GNPDA2: variants seen among roughly 807,000 people sequenced by gnomAD.
GNPDA2 encodes the protein glcN6P deaminase 2.
GNPDA2 carries 24 observed loss-of-function variants against 27.0 expected under a neutral mutation model. The ratio of observed to expected loss-of-function variants is 0.89; its 90% CI spans 0.64 to 1.25. The LOEUF (loss-of-function observed/expected upper bound fraction) is 1.25, where lower values mean the gene tolerates loss of function less well. Ranked by LOEUF, GNPDA2 falls within the 50% of genes most tolerant of loss-of-function variation. The pLI is 0.00. For synonymous variants in GNPDA2, 94 were observed against 108.4 expected, an observed-to-expected ratio of 0.87 and a Z score of 0.83; for missense variants, 286 against 335.1, an observed-to-expected ratio of 0.85 and a Z score of 1.14.
Position 44,711,112 on chromosome 4 carries a change from A to T in GNPDA2, c.435T>A (p.Ala145=). 1.2e-6 allele frequency: 2 copies of T among 1,607,114 alleles called. No individual in the cohort carries two copies. The highest frequency in any genetic ancestry group is 1.1e-5 in the South Asian group (1 of 89,844). ...CTAAACTGGATCCAGGCTCATTGAA[A>T]GCGATATGACCATCTGGACCAATTC... ...VGGIGPDGHI[A]FNEPGSSLVS... is the part of the protein sequence containing the mutation. Residue 145 remains alanine, a synonymous_variant, in exon 5 of 7, where the codon GCT becomes GCA. Transcript: ENST00000295448.
intron 3 of GNPDA2, among the ~76,000 whole-genome samples, chr4:44,717,754 T>C (rs1717399155): frequency 6.6e-6 from 1 of 151,926 alleles, no homozygotes; most frequent in South Asian, 2.1e-4. Context: ...GTGCAGATTA[T>C]GTGGGATCAC....
chr4:44,714,967 A>T (rs879928342), intron 4 of GNPDA2, among the ~76,000 whole-genome samples: 1 of 152,156 alleles, frequency 6.6e-6, no homozygotes, highest in Non-Finnish European at 1.5e-5. Flanking sequence ...GCGGGGAAAC[A>T]ACTACAGGAA....
At chr4:44,704,166 C>T (rs566297538) in intron 6 of GNPDA2, 242 of 985,034 alleles carry the variant, frequency 2.5e-4, no homozygotes, top group Admixed American at 5.6e-4. Flanking sequence ...AAATTCTAAC[C>T]ATAAGAATGG....
chr4:44,718,577 T>C (rs973801217), intron 2 of GNPDA2, among the ~76,000 whole-genome samples, 167 bp from the exon 3 acceptor site: 5 of 151,892 alleles, frequency 3.3e-5, no homozygotes, highest in Admixed American at 6.6e-5. Context: ...CTTTGAAATT[T>C]TGGTAAACCA....
intron 1 of GNPDA2, among the ~76,000 whole-genome samples, chr4:44,722,948 C>T (rs1422978342): frequency 6.6e-6 from 1 of 152,098 alleles, no homozygotes; most frequent in Non-Finnish European, 1.5e-5. Context: ...ACAATAGGAT[C>T]ACACTAGACA....
At chr4:44,715,353 T>A (rs1473642364) in intron 4 of GNPDA2, among the ~76,000 whole-genome samples, 2 of 152,156 alleles carry the variant, frequency 1.3e-5, no homozygotes, top group African/African-American at 4.8e-5. Context: ...TGCATACTTA[T>A]GTAAGGTCAA....
At chr4:44,703,718 A>C in intron 6 of GNPDA2, 1 of 983,804 alleles carries the variant, frequency 1.0e-6, no homozygotes, top group Non-Finnish European at 1.2e-6. Context: ...AGAAATTACG[A>C]TTTTAAATCC....
At chr4:44,706,260 G>T (rs960667124) in intron 6 of GNPDA2, 77 of 151,464 alleles carry the variant, frequency 5.1e-4, no homozygotes, top group African/African-American at 1.7e-3. Context: ...TTTGTGGCTT[G>T]GTAAATTAGT....
chr4:44,705,042 A>T (rs1314280683), intron 6 of GNPDA2: 2 of 981,744 alleles, frequency 2.0e-6, no homozygotes, highest in East Asian at 2.3e-4. Flanking sequence ...ATAAACTTGC[A>T]TTTACTGACA....
intron 6 of GNPDA2, 158 bp downstream of exon 6, chr4:44,707,594 T>C (rs993678629): frequency 5.1e-5 from 27 of 527,572 alleles, no homozygotes; most frequent in Non-Finnish European, 7.3e-5. Context: ...GAAGATACTA[T>C]TATCTGAGGT....
chr4:44,703,997 G>A (rs894563647), intron 6 of GNPDA2: 19 of 985,202 alleles, frequency 1.9e-5, no homozygotes, highest in Non-Finnish European at 2.3e-5. Context: ...CGGTTTTGCA[G>A]GAAATGGGAT....
At chr4:44,710,528 AG>A (rs1716907684) in intron 5 of GNPDA2, among the ~76,000 whole-genome samples, 1 of 152,212 alleles carries the variant, frequency 6.6e-6, no homozygotes, top group African/African-American at 2.4e-5. Flanking sequence ...GGAAACCAAC[AG>A]GGCTCTATCA....
chr4:44,714,557 G>A, intron 4 of GNPDA2: 1 of 985,210 alleles, frequency 1.0e-6, no homozygotes, highest in South Asian at 4.7e-5. Context: ...ACCCCATTCT[G>A]GCTTCAAGCC....
At chr4:44,710,020 A>G (rs150020621) in intron 5 of GNPDA2, among the ~76,000 whole-genome samples, 102 of 152,178 alleles carry the variant, frequency 6.7e-4, no homozygotes, top group Non-Finnish European at 1.3e-3. Flanking sequence ...ATCAGCATAA[A>G]AACTGTATTA....
chr4:44,707,728 C>T (rs191321636), intron 6 of GNPDA2, 24 bp downstream of exon 6: 115 of 1,596,994 alleles, frequency 7.2e-5, no homozygotes, highest in Admixed American at 6.6e-4. Context: ...TTATCTCAGT[C>T]GGCTTTTGAA....
At chr4:44,714,912 A>G (rs1393569572) in intron 4 of GNPDA2, among the ~76,000 whole-genome samples, 1 of 152,220 alleles carries the variant, frequency 6.6e-6, no homozygotes, top group Non-Finnish European at 1.5e-5. Flanking sequence ...TGTTAATGTA[A>G]GAGGCACAGG....
intron 5 of GNPDA2, among the ~76,000 whole-genome samples, chr4:44,709,204 C>T (rs1716812084): frequency 6.6e-6 from 1 of 152,004 alleles, no homozygotes; most frequent in Admixed American, 6.6e-5. Context: ...AAGGTAAGTA[C>T]ATACCTGGCA....
chr4:44,711,691 G>C (rs1037209768), intron 4 of GNPDA2, among the ~76,000 whole-genome samples: 1 of 150,936 alleles, frequency 6.6e-6, no homozygotes, highest in Non-Finnish European at 1.5e-5. Flanking sequence ...CTGTAGGAGA[G>C]TTTCCTCACT....
intron 5 of GNPDA2, among the ~76,000 whole-genome samples, chr4:44,709,037 C>G (rs1312654599): frequency 6.6e-6 from 1 of 151,992 alleles, no homozygotes; most frequent in Non-Finnish European, 1.5e-5. Context: ...ATTACATTGC[C>G]TCTTGTAAAA....
Sources: gnomAD v4.1 joint callset for allele counts (sites outside exome capture counted in the v4.1 genomes callset) on GRCh38, gnomAD v4.1.1 for gene constraint, MANE v1.5 for transcripts, NCBI Gene and HGNC (gene_info 2026-07-23, HGNC 2026-07-21) for gene names.